ZHX1: variants seen among roughly 807,000 people sequenced by gnomAD.
ZHX1 encodes the protein zinc fingers and homeoboxes 1, also known as zinc fingers and homeoboxes protein 1.
Under a neutral mutation model 61.8 loss-of-function variants are expected in ZHX1, and 20 were observed. The ratio of observed to expected loss-of-function variants is 0.32; its 90% CI spans 0.23 to 0.47. The LOEUF is 0.47. Among genes scored for constraint, ZHX1 ranks in the 20% least tolerant of loss-of-function variants. ZHX1 has a pLI of 1.00. For missense variants in ZHX1, 800 were observed against 1,034.8 expected, an observed-to-expected ratio of 0.77 and a Z score of 3.11; for synonymous variants, 318 against 352.6, an observed-to-expected ratio of 0.90 and a Z score of 1.10.
At chr8:123,272,915 T>C (rs531373051) in intron 1 of ZHX1, among the ~76,000 whole-genome samples, 2 of 152,204 alleles carry the variant, frequency 1.3e-5, no homozygotes, top group East Asian at 3.9e-4. Flanking sequence ...CCCAACCTAA[T>C]CACATCACGA....
chr8:123,252,151 G>C (rs1169409068), intron 3 of ZHX1, among the ~76,000 whole-genome samples: 1 of 152,134 alleles, frequency 6.6e-6, no homozygotes, highest in Non-Finnish European at 1.5e-5. Context: ...CTTACTGTTT[G>C]AACACAGCAG....
At chr8:123,273,300 G>A (rs1482239560) in intron 1 of ZHX1, among the ~76,000 whole-genome samples, 1 of 152,172 alleles carries the variant, frequency 6.6e-6, no homozygotes, top group Non-Finnish European at 1.5e-5. Context: ...TAAGGAAAGG[G>A]GATCTGCCAG....
At chr8:123,257,592 C>T (rs534728817) in intron 2 of ZHX1, among the ~76,000 whole-genome samples, 9 of 152,206 alleles carry the variant, frequency 5.9e-5, no homozygotes, top group South Asian at 2.1e-4. Context: ...TACCGCGGTG[C>T]GAGGGGATGA....
intron 3 of ZHX1, among the ~76,000 whole-genome samples, chr8:123,251,359 C>T (rs1361349788): frequency 6.6e-6 from 1 of 152,146 alleles, no homozygotes; most frequent in Non-Finnish European, 1.5e-5. Flanking sequence ...TTCTTTATAG[C>T]AGTGTGAAAA....
rs1826031042 is a variant in ZHX1 at position 123,255,070 on chromosome 8, A to G, written c.877T>C (p.Leu293=). 1 of 1,614,192 alleles carries G rather than the reference A, an allele frequency of 6.2e-7. No individual in the cohort carries two copies. Among genetic ancestry groups the G allele is most frequent in the Non-Finnish European group, 8.5e-7 (1 of 1,180,032 alleles). The change falls in exon 3 of 4, where the codon TTG becomes CTG. Residue 293 remains leucine (L), a synonymous_variant. Coordinates refer to ENST00000395571, the MANE Select transcript of ZHX1 (RefSeq NM_007222.5). ...VNSIPTYNAA[L]DNNPLLLNTY... Reference sequence around the variant, plus strand: ...TTAAGTAAAAGGGGATTGTTATCCAATGCAGCATTGTAGGTGGGAATGCTA... The same window carrying G: ...TTAAGTAAAAGGGGATTGTTATCCAGTGCAGCATTGTAGGTGGGAATGCTA...
intron 1 of ZHX1, among the ~76,000 whole-genome samples, chr8:123,268,152 G>T (rs2131221500): frequency 1.3e-5 from 2 of 152,236 alleles, no homozygotes; most frequent in East Asian, 3.9e-4. Flanking sequence ...GAATGGAGAG[G>T]ATTATTAATG....
At chr8:123,275,310 A>G (rs530916553), upstream of ZHX1, 3 of 152,418 alleles carry the variant, frequency 2.0e-5, no homozygotes, top group Non-Finnish European at 4.4e-5. Context: ...ACGTGGAGGA[A>G]CAGAACCAAA....
Position 123,254,164 on chromosome 8 carries a change from CT to C in ZHX1, c.1782del (p.Asp595MetfsTer4). 1 of 1,614,138 alleles carries C rather than the reference CT, an allele frequency of 6.2e-7. No homozygotes were observed. Among genetic ancestry groups the C allele is most frequent in the Non-Finnish European group, 8.5e-7 (1 of 1,180,016 alleles). On this transcript the variant is annotated frameshift_variant, in exon 3 of 4. Coordinates refer to ENST00000395571, the MANE Select transcript of ZHX1 (RefSeq NM_007222.5). LOFTEE classifies it high-confidence loss of function. The surrounding 1 kb of genome is among the most constrained non-coding windows in gnomAD (Gnocchi z 4.1). ...QASFLNSSVLTDEELNRLRAQ... is the reference protein window; with the variant it reads ...QASFLNSSVLXDEELNRLRAQ... ...GCCCTTAACCTATTTAATTCTTCAT[CT>C]GTAAGTACAGAGCTGTTGAGAAAAC...
At position 123,267,362 on chromosome 8, in the gene ZHX1, G is replaced by A; in HGVS notation, c.-315C>T. 1 of 1,282,416 alleles carries A rather than the reference G, an allele frequency of 7.8e-7. No homozygotes were observed. The highest frequency in any genetic ancestry group is 2.1e-5 in the Admixed American group (1 of 46,756). 79.4% of individuals were successfully genotyped at this position (1,282,416 alleles called of 1,614,324 possible). A position where few individuals can be genotyped will look rare whatever the true frequency, so the allele number is the denominator to read the frequency against. On this transcript the variant is annotated 5_prime_UTR_variant, in exon 2 of 4. Coordinates refer to ENST00000395571, the MANE Select transcript of ZHX1 (RefSeq NM_007222.5). Reference sequence around the variant, plus strand: ...TAGCTCAGGCCATCATTACCAACAGGTCCAAAGCAGCAGTCTGTCTTCTCC... The same window carrying A: ...TAGCTCAGGCCATCATTACCAACAGATCCAAAGCAGCAGTCTGTCTTCTCC...
chr8:123,269,039 GC>G (rs1826556932), intron 1 of ZHX1, among the ~76,000 whole-genome samples: 1 of 152,054 alleles, frequency 6.6e-6, no homozygotes, highest in African/African-American at 2.4e-5. Flanking sequence ...TTCCTGGTAG[GC>G]CCAGTGGAGC....
intron 3 of ZHX1, 137 bp from the exon 4 acceptor site, chr8:123,250,457 T>C: frequency 6.1e-6 from 2 of 327,312 alleles, no homozygotes; most frequent in South Asian, 4.9e-5. Context: ...TCTTCCATAA[T>C]ACACTAGGCT....
At chr8:123,267,158 C>T in intron 2 of ZHX1, 115 bp downstream of exon 2, 1 of 916,130 alleles carries the variant, frequency 1.1e-6, no homozygotes, top group Admixed American at 2.6e-5. Flanking sequence ...AAGCATATGT[C>T]TGCTGCTTTT....
chr8:123,266,336 C>T (rs115412180), intron 2 of ZHX1, among the ~76,000 whole-genome samples: 568 of 152,268 alleles, frequency 3.7e-3, no homozygotes, highest in African/African-American at 0.012. Context: ...TGGTCATTAT[C>T]TTCCCTATTT....
At chr8:123,273,674 G>C (rs1335490764) in intron 1 of ZHX1, 1 of 152,476 alleles carries the variant, frequency 6.6e-6, no homozygotes, top group African/African-American at 2.4e-5. Flanking sequence ...TCCAGCAAGA[G>C]AATCTCTCCT....
intron 1 of ZHX1, among the ~76,000 whole-genome samples, chr8:123,268,230 A>G (rs1826529000): frequency 6.6e-6 from 1 of 152,226 alleles, no homozygotes; most frequent in Non-Finnish European, 1.5e-5. Context: ...GGGGTTATCT[A>G]ACAAAATGAC....
chr8:123,252,631 G>C (rs1489667784), intron 3 of ZHX1: 1 of 152,138 alleles, frequency 6.6e-6, no homozygotes, highest in Non-Finnish European at 1.5e-5. Flanking sequence ...TTCAAAGACA[G>C]ATGCCGCCTA....
chr8:123,260,970 CA>C (rs1395647733), intron 2 of ZHX1, among the ~76,000 whole-genome samples: 3 of 152,012 alleles, frequency 2.0e-5, no homozygotes, highest in Non-Finnish European at 2.9e-5. Context: ...TGCAGTGAGC[CA>C]AGATCGCACC....
intron 2 of ZHX1, among the ~76,000 whole-genome samples, chr8:123,262,471 T>G (rs1382743727): frequency 6.6e-6 from 1 of 152,178 alleles, no homozygotes; most frequent in East Asian, 1.9e-4. Context: ...GGGTGACATT[T>G]TTATGTGTGA....
At chr8:123,261,923 C>T (rs1826284113) in intron 2 of ZHX1, among the ~76,000 whole-genome samples, 1 of 152,100 alleles carries the variant, frequency 6.6e-6, no homozygotes, top group South Asian at 2.1e-4. Flanking sequence ...ATTCATCTCC[C>T]TTTGTCATTA....
Sources: allele counts gnomAD v4.1 joint callset (sites outside exome capture counted in the v4.1 genomes callset), GRCh38; gene constraint gnomAD v4.1.1; non-coding constraint Gnocchi (gnomAD v3.1); transcripts MANE v1.5; gene names NCBI Gene and HGNC (gene_info 2026-07-23, HGNC 2026-07-21).